The following TTC33 variants were observed in gnomAD, a reference collection of about 807,000 sequenced individuals.
TTC33 encodes the protein tetratricopeptide repeat domain 33, also known as tetratricopeptide repeat protein 33.
A neutral mutation model predicts 29.4 loss-of-function variants in TTC33; 24 were observed. The ratio of observed to expected loss-of-function variants is 0.82; its 90% CI spans 0.59 to 1.15. The LOEUF (loss-of-function observed/expected upper bound fraction) is 1.15. Among genes scored for constraint, TTC33 ranks in the 50% most tolerant of loss-of-function variants. TTC33 has a pLI of 0.00. For synonymous variants in TTC33, 107 were observed against 100.3 expected (o/e 1.07, Z -0.40); for missense variants, 286 against 310.4 (o/e 0.92, Z 0.59).
At chr5:40,750,370 G>A (rs1742873578) in intron 1 of TTC33, among the ~76,000 whole-genome samples, 1 of 151,996 alleles carries the variant, frequency 6.6e-6, no homozygotes, top group Non-Finnish European at 1.5e-5. Context: ...AGGAGTTTGA[G>A]ACCAGCGAAA....
At chr5:40,753,860 C>A (rs1284886811) in intron 1 of TTC33, among the ~76,000 whole-genome samples, 1 of 151,594 alleles carries the variant, frequency 6.6e-6, no homozygotes. Context: ...TAAAGGACAC[C>A]TAGTGTGTTT....
At chr5:40,748,459 T>C (rs868552005) in intron 1 of TTC33, among the ~76,000 whole-genome samples, 4 of 151,856 alleles carry the variant, frequency 2.6e-5, no homozygotes, top group African/African-American at 7.3e-5. Flanking sequence ...CCCTCCCAAA[T>C]TGCTGGGATT....
intron 1 of TTC33, among the ~76,000 whole-genome samples, chr5:40,747,855 T>C (rs432071): frequency 0.68 from 103,158 of 152,004 alleles, 35,107 homozygotes; most frequent in East Asian, 0.8. Flanking sequence ...GACAAAGTTT[T>C]GCTCTTGTTG....
At chr5:40,721,214 G>T (rs2111871512) in intron 4 of TTC33, among the ~76,000 whole-genome samples, 1 of 152,304 alleles carries the variant, frequency 6.6e-6, no homozygotes, top group South Asian at 2.1e-4. Flanking sequence ...CAGCTGCCTG[G>T]GGGCTAGGAA....
At chr5:40,717,065 C>A (rs553061382) in intron 4 of TTC33, among the ~76,000 whole-genome samples, 119 of 151,962 alleles carry the variant, frequency 7.8e-4, no homozygotes, top group African/African-American at 2.8e-3. Context: ...CCTGTCTCTA[C>A]TAAAAATACA....
rs1741947596 is a variant in TTC33, at chr5:40,713,929, A to C, written c.*2216T>G. Among the ~76,000 whole-genome samples, 1 of 152,188 alleles carries C rather than the reference A, an allele frequency of 6.6e-6. No homozygotes were observed. The highest frequency in any genetic ancestry group is 2.4e-5 in the African/African-American group (1 of 41,464). ...CACGCATAGAAGAGTATGAGCTAAA[A>C]TAAGCATTTTGAGGGGCCTGCAGAA... is the stretch of plus-strand genomic sequence containing the variant. On this transcript the variant is annotated 3_prime_UTR_variant, in exon 5 of 5. Coordinates refer to ENST00000337702, the MANE Select transcript of TTC33 (RefSeq NM_012382.3).
At chr5:40,743,795 G>C (rs1167465357) in intron 2 of TTC33, among the ~76,000 whole-genome samples, 3 of 152,124 alleles carry the variant, frequency 2.0e-5, no homozygotes, top group Non-Finnish European at 4.4e-5. Context: ...TATCTTTGTA[G>C]TTATTTTCTA....
Position 40,714,546 on chromosome 5 carries a change from T to C in TTC33, c.*1599A>G, listed in dbSNP as rs1352639030. 6.6e-6 allele frequency: 1 copy of C among 152,256 alleles called. No homozygotes were observed. Among genetic ancestry groups the C allele is most frequent in the East Asian group, 1.9e-4 (1 of 5,312 alleles). 9.4% of individuals were successfully genotyped at this position (152,256 alleles called of 1,614,324 possible). A position where few individuals can be genotyped will look rare whatever the true frequency, so the allele number is the denominator to read the frequency against. On this transcript the variant is annotated 3_prime_UTR_variant, in exon 5 of 5. Transcript: ENST00000337702. ...CCATTACTCAAAACAATATACCAAA[T>C]GTTGAGTACTCACTTCTCTAGATAC...
rs547442534 is a variant in TTC33 at position 40,716,001 on chromosome 5, C to A, written c.*144G>T. The A allele has an allele frequency of 2.7e-4, 164 of 614,926 alleles. No individual in the cohort carries two copies. In the African/African-American group the frequency reaches 2.8e-3, roughly 10 times the overall value. 38.1% of individuals were successfully genotyped at this position (614,926 alleles called of 1,614,324 possible). A position where few individuals can be genotyped will look rare whatever the true frequency, so the allele number is the denominator to read the frequency against. On this transcript the variant is annotated 3_prime_UTR_variant, in exon 5 of 5. Coordinates refer to ENST00000337702, the MANE Select transcript of TTC33 (RefSeq NM_012382.3). ...TTCCAAACACTATACAATAATCCTGCCATTTTAGTTTTTATATGCCTCATC... is the reference window on the plus strand; with the variant it reads ...TTCCAAACACTATACAATAATCCTGACATTTTAGTTTTTATATGCCTCATC...
At chr5:40,746,623 T>C (rs1043277871) in intron 2 of TTC33, among the ~76,000 whole-genome samples, 175 bp downstream of exon 2, 4 of 152,216 alleles carry the variant, frequency 2.6e-5, no homozygotes, top group African/African-American at 7.2e-5. Flanking sequence ...AAAACTATTT[T>C]ACAAACTTTC....
At chr5:40,717,750 C>A (rs559535237) in intron 4 of TTC33, among the ~76,000 whole-genome samples, 3 of 152,158 alleles carry the variant, frequency 2.0e-5, no homozygotes, top group African/African-American at 7.2e-5. Flanking sequence ...GATTCTCATG[C>A]AAACAGATTA....
intron 1 of TTC33, among the ~76,000 whole-genome samples, chr5:40,751,651 T>C (rs902268094): frequency 6.6e-6 from 1 of 152,204 alleles, no homozygotes; most frequent in Non-Finnish European, 1.5e-5. Flanking sequence ...AATAGAAACC[T>C]GTGTCATCCA....
chr5:40,743,223 C>T (rs948271774), intron 2 of TTC33, among the ~76,000 whole-genome samples: 4 of 152,032 alleles, frequency 2.6e-5, no homozygotes, highest in Non-Finnish European at 5.9e-5. Flanking sequence ...GAGAAAATGA[C>T]AAATGAGCAG....
intron 2 of TTC33, among the ~76,000 whole-genome samples, chr5:40,742,263 T>C (rs575099750): frequency 1.2e-3 from 188 of 152,184 alleles, no homozygotes; most frequent in Middle Eastern, 3.4e-3. Context: ...CATGAGGCAA[T>C]TGCAAGTGAA....
At chr5:40,745,532 G>A (rs1162780091) in intron 2 of TTC33, among the ~76,000 whole-genome samples, 1 of 151,590 alleles carries the variant, frequency 6.6e-6, no homozygotes, top group African/African-American at 2.4e-5. Context: ...CTATTCTTTT[G>A]TTTTGTTTTG....
intron 1 of TTC33, among the ~76,000 whole-genome samples, chr5:40,752,783 C>T (rs957653721): frequency 1.1e-4 from 17 of 152,160 alleles, no homozygotes. Flanking sequence ...ACACTAAGTG[C>T]ACACATGCTA....
chr5:40,717,189 A>G (rs1479267894), intron 4 of TTC33, among the ~76,000 whole-genome samples: 1 of 141,130 alleles, frequency 7.1e-6, no homozygotes, highest in Non-Finnish European at 1.5e-5. Context: ...AGATCACGCC[A>G]TTGCACTCCA....
chr5:40,732,759 C>T (rs1169952504), intron 2 of TTC33, among the ~76,000 whole-genome samples: 1 of 152,086 alleles, frequency 6.6e-6, no homozygotes, highest in Non-Finnish European at 1.5e-5. Context: ...CAGGCACATG[C>T]CACCACACCT....
chr5:40,725,005 C>T (rs1017950490), intron 4 of TTC33, among the ~76,000 whole-genome samples: 2 of 151,924 alleles, frequency 1.3e-5, no homozygotes, highest in African/African-American at 4.8e-5. Context: ...CACCACCATG[C>T]CTGGCTAATT....
Sources: allele counts gnomAD v4.1 joint callset (sites outside exome capture counted in the v4.1 genomes callset), GRCh38; gene constraint gnomAD v4.1.1; transcripts MANE v1.5; gene names NCBI Gene and HGNC (gene_info 2026-07-23, HGNC 2026-07-21).